Variants in MNAT1 observed in about 807,000 individuals in gnomAD.
MNAT1 encodes the protein CDK-activating kinase assembly factor MAT1.
Under a neutral mutation model 42.0 loss-of-function variants are expected in MNAT1, and 43 were observed. The ratio of observed to expected loss-of-function variants is 1.02; its 90% CI spans 0.80 to 1.32. The LOEUF (loss-of-function observed/expected upper bound fraction) is 1.32. Among genes scored for constraint, MNAT1 ranks in the 40% most tolerant of loss-of-function variants. The pLI is 0.00. For missense variants in MNAT1, 306 were observed against 350.4 expected, an observed-to-expected ratio of 0.87 and a Z score of 1.01; for synonymous variants, 118 against 120.0, an observed-to-expected ratio of 0.98 and a Z score of 0.11.
At chr14:60,931,600 T>C (rs1365203133) in intron 7 of MNAT1, among the ~76,000 whole-genome samples, 1 of 152,192 alleles carries the variant, frequency 6.6e-6, no homozygotes, top group African/African-American at 2.4e-5. Context: ...TTTATTCATA[T>C]TTCTCTAACT....
intron 7 of MNAT1, among the ~76,000 whole-genome samples, chr14:60,932,841 CTG>C (rs2035917564): frequency 1.3e-5 from 2 of 151,968 alleles, no homozygotes; most frequent in South Asian, 4.2e-4. Context: ...TTGGTGTATA[CTG>C]TGTTACATTT....
intron 1 of MNAT1, among the ~76,000 whole-genome samples, chr14:60,744,267 G>A (rs1287983422): frequency 1.3e-5 from 2 of 152,154 alleles, no homozygotes; most frequent in African/African-American, 4.8e-5. Context: ...AAGTAGCTGG[G>A]ATTACAGGTG....
chr14:60,870,027 GA>G (rs1418749014), intron 6 of MNAT1, among the ~76,000 whole-genome samples: 1 of 151,958 alleles, frequency 6.6e-6, no homozygotes, highest in East Asian at 1.9e-4. Flanking sequence ...AACTTTCTAA[GA>G]AAAGTTAAAT....
At chr14:60,756,839 G>T (rs1027656074) in intron 1 of MNAT1, among the ~76,000 whole-genome samples, 2 of 152,018 alleles carry the variant, frequency 1.3e-5, no homozygotes, top group African/African-American at 4.8e-5. Flanking sequence ...ATGCCCTTGC[G>T]TTTTTTTGGG....
Position 60,920,785 on chromosome 14 carries a change from A to G in MNAT1, c.809+40950A>G, listed in dbSNP as rs541035100. ...ACTACTTTCAAGTAGAGATGACTTT[A>G]TTTTCATTAAGTTTGTAGAAATTGT... On this transcript the variant is annotated intron_variant, in intron 7 of 7. Transcript: ENST00000261245. Among the ~76,000 whole-genome samples the G allele has an allele frequency of 2.0e-5, 3 of 152,180 alleles. No homozygotes were observed. In the East Asian group the frequency reaches 5.8e-4, roughly 29 times the overall value.
intron 7 of MNAT1, among the ~76,000 whole-genome samples, chr14:60,920,446 GT>G (rs1422624646): frequency 6.6e-6 from 1 of 151,682 alleles, no homozygotes; most frequent in Non-Finnish European, 1.5e-5. Flanking sequence ...TTTTGGGACA[GT>G]CTCGCTCCGT....
intron 7 of MNAT1, among the ~76,000 whole-genome samples, chr14:60,887,936 T>A (rs1376613364): frequency 2.0e-5 from 3 of 150,734 alleles, no homozygotes; most frequent in African/African-American, 4.9e-5. Flanking sequence ...TAACAGGCTC[T>A]GAAATTGTGG....
intron 1 of MNAT1, among the ~76,000 whole-genome samples, chr14:60,738,500 C>T (rs369692739): frequency 6.6e-6 from 1 of 151,950 alleles, no homozygotes; most frequent in Non-Finnish European, 1.5e-5. Context: ...GTGATCCAGC[C>T]GCCTCGATCC....
chr14:60,867,980 C>A (rs1438679788), intron 6 of MNAT1, among the ~76,000 whole-genome samples: 1 of 152,120 alleles, frequency 6.6e-6, no homozygotes, highest in Non-Finnish European at 1.5e-5. Flanking sequence ...TATTACCATG[C>A]AGCTGCTGCA....
At chr14:60,861,146 G>GT (rs1477084230) in intron 6 of MNAT1, among the ~76,000 whole-genome samples, 1 of 152,016 alleles carries the variant, frequency 6.6e-6, no homozygotes, top group Non-Finnish European at 1.5e-5. Context: ...TAGTTGGTTA[G>GT]TAATTTCCAT....
chr14:60,797,554 C>T (rs1014492942), intron 2 of MNAT1, among the ~76,000 whole-genome samples: 15 of 152,174 alleles, frequency 9.9e-5, no homozygotes, highest in Non-Finnish European at 1.8e-4. Context: ...ACCATTTTCT[C>T]CTGATCCTAC....
chr14:60,859,513 G>GA (rs1249185644), intron 6 of MNAT1, among the ~76,000 whole-genome samples: 1 of 152,034 alleles, frequency 6.6e-6, no homozygotes, highest in Non-Finnish European at 1.5e-5. Flanking sequence ...ATATGAAGAT[G>GA]AAAAAAATTG....
chr14:60,739,404 T>C (rs1445719545), intron 1 of MNAT1, among the ~76,000 whole-genome samples: 1 of 151,954 alleles, frequency 6.6e-6, no homozygotes, highest in African/African-American at 2.4e-5. Flanking sequence ...TTTTTTTTCA[T>C]GTCCTCAAGT....
chr14:60,938,750 A>G (rs2036068259), intron 7 of MNAT1, among the ~76,000 whole-genome samples: 1 of 152,198 alleles, frequency 6.6e-6, no homozygotes, highest in African/African-American at 2.4e-5. Flanking sequence ...GCCTCATACA[A>G]TGAGTTAGGG....
At chr14:60,763,578 T>G (rs1330394721) in intron 1 of MNAT1, among the ~76,000 whole-genome samples, 3 of 152,194 alleles carry the variant, frequency 2.0e-5, no homozygotes, top group Non-Finnish European at 4.4e-5. Flanking sequence ...AGTTCAATTT[T>G]CACTCGGTTA....
chr14:60,873,890 T>C lies in MNAT1; in HGVS notation c.688-5824T>C, dbSNP rs1051383236. Among the ~76,000 whole-genome samples the C allele has an allele frequency of 2.6e-5, 4 of 152,230 alleles. No homozygotes were observed. In the South Asian group the frequency reaches 8.3e-4, roughly 32 times the overall value. On this transcript the variant is annotated intron_variant, in intron 6 of 7. Coordinates refer to ENST00000261245, the MANE Select transcript of MNAT1 (RefSeq NM_002431.4). ...CTGTTTTATGTTATAATTGAACTGA[T>C]GTTTACTTAAACTGATGTTTACTTA...
At chr14:60,899,109 G>A (rs1014125152) in intron 7 of MNAT1, among the ~76,000 whole-genome samples, 1 of 152,088 alleles carries the variant, frequency 6.6e-6, no homozygotes, top group South Asian at 2.1e-4. Context: ...ATGTTCCACT[G>A]ATCTTGTAGA....
chr14:60,941,379 C>G (rs1444844357), intron 7 of MNAT1, among the ~76,000 whole-genome samples: 2 of 152,124 alleles, frequency 1.3e-5, no homozygotes, highest in South Asian at 4.1e-4. Context: ...AAAGTTTGTT[C>G]TCCTTAAAGA....
At chr14:60,962,737 ATT>A (rs2036617458) in intron 7 of MNAT1, among the ~76,000 whole-genome samples, 1 of 152,188 alleles carries the variant, frequency 6.6e-6, no homozygotes, top group Non-Finnish European at 1.5e-5. Flanking sequence ...CATTGTGTTC[ATT>A]TGGAAACCAT....
Sources: allele counts gnomAD v4.1 joint callset (sites outside exome capture counted in the v4.1 genomes callset), GRCh38; gene constraint gnomAD v4.1.1; transcripts MANE v1.5; gene names NCBI Gene and HGNC (gene_info 2026-07-23, HGNC 2026-07-21).